Variants in ADD2 observed in about 807,000 individuals in gnomAD.
ADD2 encodes the protein adducin 2.
In ADD2, 23 loss-of-function variants were observed where a neutral mutation model predicts 83.0. The observed-to-expected ratio is 0.28, with a 90% CI of 0.20 to 0.39. ADD2 has a LOEUF of 0.39. Among genes scored for constraint, ADD2 ranks in the 10% least tolerant of loss-of-function variants. ADD2 has a pLI of 1.00. For synonymous variants in ADD2, 375 were observed against 375.4 expected (o/e 1.00, Z 0.01); for missense variants, 758 against 944.9 (o/e 0.80, Z 2.59).
intron 1 of ADD2, among the ~76,000 whole-genome samples, chr2:70,736,284 C>A (rs1553380151): frequency 6.6e-6 from 1 of 152,152 alleles, no homozygotes; most frequent in African/African-American, 2.4e-5. Context: ...AAGGGCTGAG[C>A]CAGCTAGGCA....
At chr2:70,753,892 G>C (rs1052830665) in intron 1 of ADD2, among the ~76,000 whole-genome samples, 1 of 152,112 alleles carries the variant, frequency 6.6e-6, no homozygotes, top group African/African-American at 2.4e-5. Context: ...ACAAGAAAGT[G>C]CATCTTCTCC....
chr2:70,760,613 G>A (rs529882578), intron 1 of ADD2: 92 of 152,250 alleles, frequency 6.0e-4, no homozygotes, highest in African/African-American at 2.1e-3. Context: ...TACCATAAAA[G>A]GAAGGTGAGT....
Position 70,695,248 on chromosome 2 carries a change from C to G in ADD2, c.555+473G>C, listed in dbSNP as rs145507403. Reference sequence around the variant, plus strand: ...AGTCCTTTCTACTGCTTTCCTCCCCCCATCTGGAAATATTTCCTGAACTAA... The same window carrying G: ...AGTCCTTTCTACTGCTTTCCTCCCCGCATCTGGAAATATTTCCTGAACTAA... On this transcript the variant is annotated intron_variant, in intron 6 of 15. Coordinates refer to ENST00000264436, the MANE Select transcript of ADD2 (RefSeq NM_001617.4). Among the ~76,000 whole-genome samples the G allele has an allele frequency of 9.8e-3, 1,488 of 152,260 alleles. 23 individuals carry two copies. The highest frequency in any genetic ancestry group is 0.032 in the African/African-American group (1,324 of 41,562).
Position 70,663,309 on chromosome 2 carries a change from A to G in ADD2, c.*116T>C, listed in dbSNP as rs559284452. The G allele has an allele frequency of 8.4e-7, 1 of 1,189,056 alleles. No individual in the cohort carries two copies. The highest frequency in any genetic ancestry group is 2.4e-5 in the East Asian group (1 of 42,260). 73.7% of individuals were successfully genotyped at this position (1,189,056 alleles called of 1,614,324 possible). On this transcript the variant is annotated 3_prime_UTR_variant, in exon 16 of 16. Transcript: ENST00000264436. ...GGTGATCTCTAAGTTCCCCTTCCGA[A>G]TGTGGTCCAGGGTCCTACTCTATCC...
rs371611533 is a variant in ADD2, at chr2:70,663,982, T to C, written c.1871-247A>G. ...GCAGCTCTGGGCTCTTGTCTATGAA[T>C]TTAGATGGATATTAATGTCTGAAGT... On this transcript the variant is annotated intron_variant, in intron 15 of 15. Transcript: ENST00000264436. Among the ~76,000 whole-genome samples the C allele has an allele frequency of 3.6e-4, 55 of 152,050 alleles. 7 individuals are homozygous for C. The highest frequency in any genetic ancestry group is 2.9e-3 in the Admixed American group (44 of 15,264).
Position 70,661,846 on chromosome 2 carries a change from A to T in ADD2, c.*1579T>A, listed in dbSNP as rs1675546516. On this transcript the variant is annotated 3_prime_UTR_variant, in exon 16 of 16. Transcript: ENST00000264436. ...TGTTAAGAGCAAGGGCTCTGGACTC[A>T]GACTGACCTGGATTCAAATCCAGGA... 1 of 152,222 alleles carries T rather than the reference A, an allele frequency of 6.6e-6. No homozygotes were observed. Among genetic ancestry groups the T allele is most frequent in the African/African-American group, 2.4e-5 (1 of 41,454 alleles). The allele number at this position is 152,222 out of a possible 1,614,324, so 9.4% of individuals were successfully genotyped here.
rs1459388419 is a variant in ADD2, at chr2:70,762,442, T to C, written c.-154+5444A>G. ...TTGTGTCACAGAGGATAACCAGTCA[T>C]CCCCATTTGCCTGGCACTGTCCCAG... On this transcript the variant is annotated intron_variant, in intron 1 of 15. Coordinates refer to ENST00000264436, the MANE Select transcript of ADD2 (RefSeq NM_001617.4). 8.6e-5 allele frequency among the ~76,000 whole-genome samples: 13 copies of C among 151,710 alleles called. 1 individual carries two copies. Among genetic ancestry groups the C allele is most frequent in the African/African-American group, 3.2e-4 (13 of 41,076 alleles).
At chr2:70,716,093 T>C (rs1467246654) in intron 1 of ADD2, among the ~76,000 whole-genome samples, 1 of 152,164 alleles carries the variant, frequency 6.6e-6, no homozygotes, top group Non-Finnish European at 1.5e-5. Flanking sequence ...ATTACCAAAA[T>C]GGCAGGTATA....
At chr2:70,750,883 A>G (rs909198278) in intron 1 of ADD2, among the ~76,000 whole-genome samples, 11 of 152,170 alleles carry the variant, frequency 7.2e-5, no homozygotes, top group Non-Finnish European at 8.8e-5. Context: ...AAGGGCCAAC[A>G]CTGAGACCTG....
chr2:70,692,295 A>T, intron 7 of ADD2, 108 bp downstream of exon 7: 2 of 1,298,136 alleles, frequency 1.5e-6, no homozygotes, highest in Non-Finnish European at 2.0e-6. Flanking sequence ...CTCTCGCTTC[A>T]CCTTGGCCTG....
intron 4 of ADD2, among the ~76,000 whole-genome samples, chr2:70,699,684 G>A (rs1021360675): frequency 6.6e-6 from 1 of 152,148 alleles, no homozygotes; most frequent in Non-Finnish European, 1.5e-5. Flanking sequence ...GGAGGCTGAG[G>A]CAGAAAGATC....
At chr2:70,675,852 GT>G in intron 13 of ADD2, 1 of 985,340 alleles carries the variant, frequency 1.0e-6, no homozygotes, top group African/African-American at 1.7e-5. Context: ...GGAGATTTTT[GT>G]TTGTTTTTTT....
intron 1 of ADD2, among the ~76,000 whole-genome samples, chr2:70,718,467 A>G (rs1321737218): frequency 6.6e-6 from 1 of 152,224 alleles, no homozygotes; most frequent in Non-Finnish European, 1.5e-5. Context: ...ATTAACTGTT[A>G]AGGGCAACAC....
At chr2:70,760,658 G>A (rs919739837) in intron 1 of ADD2, 4 of 152,222 alleles carry the variant, frequency 2.6e-5, no homozygotes, top group African/African-American at 9.6e-5. Context: ...TGTGGTTCAA[G>A]GGTGCACTGG....
chr2:70,678,135 T>C (rs1670270637), intron 11 of ADD2, among the ~76,000 whole-genome samples: 3 of 152,226 alleles, frequency 2.0e-5, no homozygotes, highest in African/African-American at 7.2e-5. Flanking sequence ...GTCAGAACCT[T>C]GGGAACCAGC....
At chr2:70,751,747 T>C (rs1484517902) in intron 1 of ADD2, among the ~76,000 whole-genome samples, 2 of 152,232 alleles carry the variant, frequency 1.3e-5, no homozygotes, top group African/African-American at 4.8e-5. Context: ...ATTTAGGTTG[T>C]TTTATCCAGA....
chr2:70,720,932 A>G (rs1241450233), intron 1 of ADD2, among the ~76,000 whole-genome samples: 2 of 152,188 alleles, frequency 1.3e-5, no homozygotes, highest in African/African-American at 4.8e-5. Flanking sequence ...CAGAGGATTC[A>G]GTGGAAACTC....
chr2:70,730,181 A>T (rs1390171874), intron 1 of ADD2, among the ~76,000 whole-genome samples: 1 of 152,242 alleles, frequency 6.6e-6, no homozygotes, highest in African/African-American at 2.4e-5. Context: ...CCCAAATTGC[A>T]GCCCTGGGAT....
intron 1 of ADD2, among the ~76,000 whole-genome samples, chr2:70,726,800 C>T (rs1673025018): frequency 6.6e-6 from 1 of 152,128 alleles, no homozygotes; most frequent in Non-Finnish European, 1.5e-5. Context: ...GGGGAGGTAG[C>T]TTTACCCACT....
Sources: allele counts gnomAD v4.1 joint callset (sites outside exome capture counted in the v4.1 genomes callset), GRCh38; gene constraint gnomAD v4.1.1; transcripts MANE v1.5; gene names NCBI Gene and HGNC (gene_info 2026-07-23, HGNC 2026-07-21).